CUX1: variants seen among roughly 807,000 people sequenced by gnomAD.
CUX1 encodes protein CASP.
Under a neutral mutation model 158.8 loss-of-function variants are expected in CUX1, and 31 were observed. The ratio of observed to expected loss-of-function variants is 0.20; its 90% CI spans 0.15 to 0.26. The LOEUF is 0.26. CUX1 is among the 10% of genes least tolerant of loss of function. The pLI, the probability that CUX1 is intolerant of heterozygous loss-of-function variation, is 1.00. For synonymous variants in CUX1, 879 were observed against 862.1 expected (o/e 1.02, Z -0.34); for missense variants, 1,589 against 2,014.6 (o/e 0.79, Z 4.04).
In CUX1 at chr7:102,256,994, A is replaced by G; in HGVS notation, c.*7952A>G. 4 of 985,366 alleles carry G rather than the reference A, an allele frequency of 4.1e-6. No individual in the cohort carries two copies. Among genetic ancestry groups the G allele is most frequent in the South Asian group, 9.4e-5 (2 of 21,278 alleles). 61.0% of individuals were successfully genotyped at this position (985,366 alleles called of 1,614,324 possible). A position where few individuals can be genotyped will look rare whatever the true frequency, so the allele number is the denominator to read the frequency against. On this transcript the variant is annotated 3_prime_UTR_variant, in exon 24 of 24. Coordinates refer to ENST00000292535, the MANE Select transcript of CUX1 (RefSeq NM_181552.4). ...CATAGGCAGAGGGCCCCTTTCCCCT[A>G]TAGGTGGTTCAACGTGGAGGAAGGT... is the stretch of plus-strand genomic sequence containing the variant.
At chr7:101,942,035 G>A (rs546400486) in intron 2 of CUX1, among the ~76,000 whole-genome samples, 8 of 152,314 alleles carry the variant, frequency 5.3e-5, no homozygotes, top group African/African-American at 1.4e-4. Flanking sequence ...GCCTGTTTTT[G>A]CATGAGTTGG....
intron 4 of CUX1, among the ~76,000 whole-genome samples, chr7:102,096,412 T>C (rs1354859410): frequency 6.6e-6 from 1 of 152,238 alleles, no homozygotes; most frequent in Non-Finnish European, 1.5e-5. Flanking sequence ...TTTACCTTGT[T>C]GTAAAGAATG....
intron 1 of CUX1, among the ~76,000 whole-genome samples, chr7:101,825,450 A>C (rs558179439): frequency 4.6e-5 from 7 of 152,298 alleles, no homozygotes; most frequent in Non-Finnish European, 8.8e-5. Context: ...GAGGACCACA[A>C]GGTGGCCAGG....
intron 20 of CUX1, among the ~76,000 whole-genome samples, chr7:102,220,858 A>G (rs1281464219): frequency 6.6e-6 from 1 of 151,984 alleles, no homozygotes; most frequent in Non-Finnish European, 1.5e-5. Context: ...CTACAGACAT[A>G]TGCCACCACA....
chr7:101,838,954 C>T (rs1012634915), intron 1 of CUX1, among the ~76,000 whole-genome samples: 2 of 152,212 alleles, frequency 1.3e-5, no homozygotes, highest in Non-Finnish European at 2.9e-5. Flanking sequence ...GATCCGGGTA[C>T]GGGCCAACGT....
intron 3 of CUX1, among the ~76,000 whole-genome samples, chr7:102,034,902 C>T (rs1015597985): frequency 6.6e-6 from 1 of 152,008 alleles, no homozygotes; most frequent in African/African-American, 2.4e-5. Flanking sequence ...CCACCGCACT[C>T]TAGCCTGGGC....
At chr7:102,130,097 G>A (rs1833053348) in intron 8 of CUX1, among the ~76,000 whole-genome samples, 1 of 152,164 alleles carries the variant, frequency 6.6e-6, no homozygotes, top group Non-Finnish European at 1.5e-5. Flanking sequence ...TATTTGTTGA[G>A]GAATGTCTCC....
chr7:101,919,924 G>A (rs2129093525), intron 2 of CUX1, among the ~76,000 whole-genome samples: 1 of 152,198 alleles, frequency 6.6e-6, no homozygotes, highest in African/African-American at 2.4e-5. Context: ...CAGGATGGCT[G>A]GAGCCTTGAA....
At position 101,977,253 on chromosome 7, in the gene CUX1, C is replaced by T. The variant is rs1480572114; in HGVS notation, c.142-50845C>T. ...ATTTCCGCTTTTATCTCTCCACTCC[C>T]GAAGATGTATCAACCCACAAGGAAC... On this transcript the variant is annotated intron_variant, in intron 2 of 23. Coordinates refer to ENST00000292535, the MANE Select transcript of CUX1 (RefSeq NM_181552.4). Among the ~76,000 whole-genome samples, 5 of 152,168 alleles carry T rather than the reference C, an allele frequency of 3.3e-5. No individual in the cohort carries two copies. The East Asian group carries it at 5.8e-4, about 18-fold the overall frequency.
chr7:102,186,726 G>C (rs1401498771), intron 11 of CUX1: 1 of 152,028 alleles, frequency 6.6e-6, no homozygotes, highest in African/African-American at 2.4e-5. Context: ...TTCTCTGTAT[G>C]TTCCATTAGA....
chr7:102,147,431 G>A (rs1474793292), intron 8 of CUX1, among the ~76,000 whole-genome samples: 1 of 152,148 alleles, frequency 6.6e-6, no homozygotes, highest in African/African-American at 2.4e-5. Flanking sequence ...ACCTGGTTCT[G>A]CACTCCAGGA....
chr7:101,908,090 T>A (rs1802960867), intron 1 of CUX1, among the ~76,000 whole-genome samples: 1 of 152,206 alleles, frequency 6.6e-6, no homozygotes. Context: ...TTAATTTCCC[T>A]CCCTGGTATG....
Position 101,848,738 on chromosome 7 carries a change from G to A in CUX1, c.30+31069G>A, listed in dbSNP as rs112455232. On this transcript the variant is annotated intron_variant, in intron 1 of 23. Coordinates refer to ENST00000292535, the MANE Select transcript of CUX1 (RefSeq NM_181552.4). ...AACAGAAGACAAAGTGTGGCCGGGT[G>A]CGGTGGTTTATGCCTGTAGTGCAAG... is the stretch of plus-strand genomic sequence containing the variant. 1.8e-3 allele frequency among the ~76,000 whole-genome samples: 272 copies of A among 151,998 alleles called. 1 individual carries two copies. Among genetic ancestry groups the A allele is most frequent in the Non-Finnish European group, 3.0e-3 (204 of 68,002 alleles).
At chr7:102,223,383 C>G (rs1411517030) in intron 20 of CUX1, among the ~76,000 whole-genome samples, 3 of 152,160 alleles carry the variant, frequency 2.0e-5, no homozygotes, top group African/African-American at 7.2e-5. Context: ...AAATAGCACT[C>G]AGTCATAAGA....
In CUX1 at chr7:102,254,112, T is replaced by G. The variant is rs1801819794; in HGVS notation, c.*5070T>G. ...TGAGCGCAACACGGACAAACAGCTG[T>G]GCTCTGCAAGGCACACGGATGTTTC... On this transcript the variant is annotated 3_prime_UTR_variant, in exon 24 of 24. Coordinates refer to ENST00000292535, the MANE Select transcript of CUX1 (RefSeq NM_181552.4). The G allele has an allele frequency of 1.0e-6, 1 of 985,444 alleles. No individual in the cohort carries two copies. The highest frequency in any genetic ancestry group is 1.2e-6 in the Non-Finnish European group (1 of 829,944). The allele number at this position is 985,444 out of a possible 1,614,324, so 61.0% of individuals were successfully genotyped here. A position where few individuals can be genotyped will look rare whatever the true frequency, so the allele number is the denominator to read the frequency against.
intron 18 of CUX1, 143 bp downstream of exon 18, chr7:102,202,347 C>T: frequency 8.5e-7 from 1 of 1,175,576 alleles, no homozygotes. Context: ...CCCAGACTTC[C>T]AAGGTGCGGC....
chr7:102,232,009 G>A (rs1799053144), intron 21 of CUX1, among the ~76,000 whole-genome samples: 1 of 150,862 alleles, frequency 6.6e-6, no homozygotes, highest in African/African-American at 2.4e-5. Context: ...CACCGCACCT[G>A]GCCAAAATTT....
intron 8 of CUX1, among the ~76,000 whole-genome samples, chr7:102,140,675 C>T (rs1415367280): frequency 6.6e-6 from 1 of 151,474 alleles, no homozygotes; most frequent in Non-Finnish European, 1.5e-5. Context: ...GCCTGGCCAA[C>T]ATGGTGAAAC....
intron 22 of CUX1, among the ~76,000 whole-genome samples, chr7:102,237,884 G>A (rs150977917): frequency 0.01 from 1,400 of 139,050 alleles, 16 homozygotes; most frequent in African/African-American, 0.034. Flanking sequence ...GTAAGGCCAC[G>A]TGGGTCACAT....
Sources: allele counts gnomAD v4.1 joint callset (sites outside exome capture counted in the v4.1 genomes callset), GRCh38; gene constraint gnomAD v4.1.1; transcripts MANE v1.5; gene names NCBI Gene and HGNC (gene_info 2026-07-23, HGNC 2026-07-21).